DSCC1: variants seen among roughly 807,000 people sequenced by gnomAD.
DSCC1 encodes the protein sister chromatid cohesion protein DCC1.
Under a neutral mutation model 48.2 loss-of-function variants are expected in DSCC1, and 32 were observed. That is an observed-to-expected ratio of 0.66 (90% confidence interval 0.50 to 0.89). The LOEUF (loss-of-function observed/expected upper bound fraction) is 0.89, where lower values mean the gene tolerates loss of function less well. Among genes scored for constraint, DSCC1 ranks in the 40% least tolerant of loss-of-function variants. DSCC1 has a pLI of 0.00. For missense variants in DSCC1, 421 were observed against 471.7 expected, an observed-to-expected ratio of 0.89 and a Z score of 1.00; for synonymous variants, 150 against 171.5, an observed-to-expected ratio of 0.87 and a Z score of 0.98.
intron 4 of DSCC1, 82 bp downstream of exon 4, chr8:119,846,908 A>G (rs1021900262): frequency 4.3e-5 from 53 of 1,235,628 alleles, no homozygotes; most frequent in Admixed American, 1.7e-5. Flanking sequence ...AACTATACGC[A>G]GTAGGGTGAA....
At chr8:119,835,186 T>A (rs1826661326) in intron 8 of DSCC1, among the ~76,000 whole-genome samples, 185 bp from the exon 9 acceptor site, 1 of 152,188 alleles carries the variant, frequency 6.6e-6, no homozygotes, top group Non-Finnish European at 1.5e-5. Flanking sequence ...GTACATTATA[T>A]GTATTGTCTC....
intron 7 of DSCC1, among the ~76,000 whole-genome samples, chr8:119,841,450 G>A (rs530787410): frequency 6.6e-6 from 1 of 152,240 alleles, no homozygotes; most frequent in African/African-American, 2.4e-5. Flanking sequence ...TGGAAATGGT[G>A]AGAAACGGAA....
In DSCC1 at chr8:119,853,169, T is replaced by C; in HGVS notation, c.229A>G (p.Lys77Glu). ...ATCTTCAAGTCGTATGTTTTGTCTT[T>C]ACTGCACAGCACAGCTTGCTCGTCT... ...DKDEQAVLCS[K>E]DKTYDLKIAD... The change falls in exon 2 of 9, where the codon AAA (lysine) becomes GAA (glutamate). Residue 77 changes from lysine (K) to glutamate (E), a missense_variant. Coordinates refer to ENST00000313655, the MANE Select transcript of DSCC1 (RefSeq NM_024094.3). 19 of 1,614,066 alleles carry C rather than the reference T, an allele frequency of 1.2e-5. No homozygotes were observed. Among genetic ancestry groups the C allele is most frequent in the Non-Finnish European group, 1.6e-5 (19 of 1,179,950 alleles).
intron 4 of DSCC1, 26 bp downstream of exon 4, chr8:119,846,964 G>A: frequency 6.2e-7 from 1 of 1,603,646 alleles, no homozygotes; most frequent in Non-Finnish European, 8.5e-7. Flanking sequence ...TTTCATCATT[G>A]TTAAAATAGT....
Position 119,855,659 on chromosome 8 carries a change from A to G in DSCC1, c.137T>C (p.Leu46Pro), listed in dbSNP as rs535237666. The change falls in exon 1 of 9, where the codon CTG becomes CCG. Residue 46 changes from leucine to proline, a missense_variant. Around this residue, in one of 3 missense-constraint regions of DSCC1, gnomAD observed 174 missense variants for 184.5 expected, o/e 0.94. Transcript: ENST00000313655. ...CTGGCACAGCGTGGGCTCCAGCTCC[A>G]GCAGGCAGAAGTCGCCGGCTGCAGC... is the stretch of plus-strand genomic sequence containing the variant. The part of the protein sequence containing the change: ...SGAAAGDFCL[L>P]ELEPTLCQQL... 1.3e-6 allele frequency: 2 copies of G among 1,548,394 alleles called. No individual in the cohort carries two copies. Among genetic ancestry groups the G allele is most frequent in the East Asian group, 2.4e-5 (1 of 40,826 alleles).
At chr8:119,840,458 A>G (rs1209808005) in intron 7 of DSCC1, 2 of 152,268 alleles carry the variant, frequency 1.3e-5, no homozygotes, top group African/African-American at 4.8e-5. Context: ...GTCCTAAGGT[A>G]GGTGAGAGCT....
intron 6 of DSCC1, among the ~76,000 whole-genome samples, chr8:119,842,355 C>T (rs191272430): frequency 1.5e-4 from 23 of 150,438 alleles, no homozygotes; most frequent in African/African-American, 5.1e-4. Context: ...GGGTTACAGG[C>T]GTGAACCACT....
chr8:119,847,978 GTTTTTGTT>G (rs1295888925), intron 3 of DSCC1, among the ~76,000 whole-genome samples: 6 of 147,956 alleles, frequency 4.1e-5, no homozygotes, highest in African/African-American at 1.5e-4. Context: ...TTTTGTTTTT[GTTTTTGTT>G]TTTTTTAAAT....
chr8:119,845,851 A>T (rs907574589), intron 4 of DSCC1, among the ~76,000 whole-genome samples: 3 of 152,098 alleles, frequency 2.0e-5, no homozygotes, highest in Non-Finnish European at 4.4e-5. Context: ...CAGGAGGTTG[A>T]GGCAGGAGAA....
chr8:119,847,614 A>T (rs1826876114), intron 3 of DSCC1, among the ~76,000 whole-genome samples: 1 of 151,862 alleles, frequency 6.6e-6, no homozygotes, highest in African/African-American at 2.4e-5. Context: ...AATGTACTTG[A>T]TGCTACTGAA....
chr8:119,840,874 T>A (rs1411460945), intron 7 of DSCC1, among the ~76,000 whole-genome samples: 2 of 151,450 alleles, frequency 1.3e-5, no homozygotes, highest in African/African-American at 4.9e-5. Flanking sequence ...ATTGAGCCAC[T>A]GCACTCCAGC....
At chr8:119,843,503 T>C in intron 5 of DSCC1, 106 bp downstream of exon 5, 1 of 1,423,618 alleles carries the variant, frequency 7.0e-7, no homozygotes, top group Non-Finnish European at 9.4e-7. Context: ...CTCAAAGATA[T>C]CAAAATACAA....
At chr8:119,842,074 C>T in intron 6 of DSCC1, 126 bp from the exon 7 acceptor site, 4 of 1,113,012 alleles carry the variant, frequency 3.6e-6, no homozygotes, top group Non-Finnish European at 4.9e-6. Flanking sequence ...CCGACAACCC[C>T]ATAGTTCGTT....
intron 3 of DSCC1, among the ~76,000 whole-genome samples, chr8:119,849,436 T>C (rs1197056781): frequency 6.6e-6 from 1 of 152,066 alleles, no homozygotes; most frequent in Non-Finnish European, 1.5e-5. Flanking sequence ...CACTGATACA[T>C]GCTACAACAT....
At chr8:119,843,239 G>A (rs1826800876) in intron 5 of DSCC1, among the ~76,000 whole-genome samples, 1 of 151,148 alleles carries the variant, frequency 6.6e-6, no homozygotes, top group Non-Finnish European at 1.5e-5. Flanking sequence ...CAGGCACACG[G>A]CACCACGCCC....
chr8:119,846,113 C>CTTTTTT (rs531156237), intron 4 of DSCC1, among the ~76,000 whole-genome samples: 1 of 117,544 alleles, frequency 8.5e-6, no homozygotes, highest in Non-Finnish European at 1.7e-5. Flanking sequence ...TGTCTAAGGA[C>CTTTTTT]TTTTTTTTTT....
At chr8:119,840,690 T>C (rs188558677) in intron 7 of DSCC1, among the ~76,000 whole-genome samples, 1 of 152,184 alleles carries the variant, frequency 6.6e-6, no homozygotes, top group Admixed American at 6.5e-5. Flanking sequence ...GGTGGGCAGA[T>C]CACCTGAGGT....
intron 2 of DSCC1, among the ~76,000 whole-genome samples, chr8:119,850,882 CA>C (rs933222475): frequency 4.9e-4 from 74 of 151,780 alleles, no homozygotes; most frequent in African/African-American, 1.6e-3. Context: ...AACAAACAAA[CA>C]AAAAAACAAA....
At chr8:119,849,175 A>C (rs1391651086) in intron 3 of DSCC1, among the ~76,000 whole-genome samples, 1 of 79,590 alleles carries the variant, frequency 1.3e-5, no homozygotes, top group Non-Finnish European at 2.4e-5. Flanking sequence ...ACAGAGCGAG[A>C]CTCCCTCTCA....
Sources: allele counts gnomAD v4.1 joint callset (sites outside exome capture counted in the v4.1 genomes callset), GRCh38; gene constraint gnomAD v4.1.1; regional missense constraint gnomAD v4.1.1; transcripts MANE v1.5; gene names NCBI Gene and HGNC (gene_info 2026-07-23, HGNC 2026-07-21).